The following TUBGCP3 variants were observed in gnomAD, a reference collection of about 807,000 sequenced individuals.
TUBGCP3 encodes tubulin gamma complex component 3.
Under a neutral mutation model 123.1 loss-of-function variants are expected in TUBGCP3, and 50 were observed. The ratio of observed to expected loss-of-function variants is 0.41; its 90% CI spans 0.32 to 0.51. The LOEUF (loss-of-function observed/expected upper bound fraction) is 0.51, where lower values mean the gene tolerates loss of function less well. TUBGCP3 is among the 20% of genes least tolerant of loss of function. The pLI is 0.36. For missense variants in TUBGCP3, 882 were observed against 1,127.0 expected, an observed-to-expected ratio of 0.78 and a Z score of 3.11; for synonymous variants, 405 against 413.9, an observed-to-expected ratio of 0.98 and a Z score of 0.26.
At position 112,569,207 on chromosome 13, in the gene TUBGCP3, G is replaced by A. The variant is rs142026085; in HGVS notation, c.129C>T (p.Phe43=). ...QYAVRVIGSN[F]APTVERDEFL... is the part of the protein sequence containing the mutation. Reference sequence around the variant, plus strand: ...ATTCATCTCTTTCAACAGTTGGGGCGAAGTTGCTGCCAATCACCCGCACAG... The same window carrying A: ...ATTCATCTCTTTCAACAGTTGGGGCAAAGTTGCTGCCAATCACCCGCACAG... The change falls in exon 2 of 22, where the codon TTC becomes TTT. Residue 43 remains phenylalanine (F), a synonymous_variant. Transcript: ENST00000261965. The A allele has an allele frequency of 3.0e-5, 49 of 1,613,940 alleles. No homozygotes were observed. In the South Asian group the frequency reaches 4.3e-4, roughly 14 times the overall value.
intron 20 of TUBGCP3, among the ~76,000 whole-genome samples, chr13:112,493,609 T>G: frequency 2.2e-5 from 2 of 90,430 alleles, no homozygotes; most frequent in South Asian, 4.1e-4. Context: ...GTGCCTGAGA[T>G]GCTCTGGCTA....
chr13:112,565,468 T>G (rs1478256404), intron 2 of TUBGCP3, among the ~76,000 whole-genome samples: 1 of 152,160 alleles, frequency 6.6e-6, no homozygotes, highest in Non-Finnish European at 1.5e-5. Context: ...CTACAAATAT[T>G]AATAAACAGT....
chr13:112,498,861 G>A (rs762399393), intron 20 of TUBGCP3, 184 bp downstream of exon 20: 1 of 1,608,096 alleles, frequency 6.2e-7, no homozygotes, highest in Non-Finnish European at 8.5e-7. Flanking sequence ...GATGATGCCA[G>A]TGAGGGTGGC....
intron 13 of TUBGCP3, among the ~76,000 whole-genome samples, chr13:112,522,988 GACAAA>G (rs1876750755): frequency 6.6e-6 from 1 of 152,126 alleles, no homozygotes; most frequent in African/African-American, 2.4e-5. Flanking sequence ...ATGTCTAGGG[GACAAA>G]ACCAGATTGT....
At position 112,519,701 on chromosome 13, in the gene TUBGCP3, G is replaced by A. The variant is rs1274281280; in HGVS notation, c.1881+185C>T. 1.3e-5 allele frequency among the ~76,000 whole-genome samples: 2 copies of A among 152,252 alleles called. No individual in the cohort carries two copies. The highest frequency in any genetic ancestry group is 2.4e-5 in the African/African-American group (1 of 41,464). On this transcript the variant is annotated intron_variant, in intron 15 of 21. Coordinates refer to ENST00000261965, the MANE Select transcript of TUBGCP3 (RefSeq NM_006322.6). The surrounding 1 kb of genome is among the most constrained non-coding windows in gnomAD (Gnocchi z 6.2). The stretch of plus-strand genomic sequence containing the variant: ...CAAACGGAAACCCAGATGGTGGAGA[G>A]GGAGCAGATGTGCTGACCAGGCAGT...
chr13:112,527,691 T>A (rs1462148831), intron 11 of TUBGCP3, among the ~76,000 whole-genome samples: 1 of 152,208 alleles, frequency 6.6e-6, no homozygotes, highest in Non-Finnish European at 1.5e-5. Context: ...AACTAAAGTA[T>A]AACAAAAACA....
At chr13:112,492,965 A>G (rs113337362) in intron 20 of TUBGCP3, among the ~76,000 whole-genome samples, 1,203 of 96,928 alleles carry the variant, frequency 0.012, 15 homozygotes, top group African/African-American at 0.044. Flanking sequence ...TGCCTGAGAC[A>G]CTCTAGCTTT....
intron 13 of TUBGCP3, among the ~76,000 whole-genome samples, chr13:112,526,711 T>C (rs1052402513): frequency 1.4e-5 from 2 of 147,894 alleles, no homozygotes; most frequent in Non-Finnish European, 3.0e-5. Context: ...ACCCCCATCA[T>C]CATCACCATC....
At chr13:112,523,705 C>A (rs560941698) in intron 13 of TUBGCP3, among the ~76,000 whole-genome samples, 3 of 152,308 alleles carry the variant, frequency 2.0e-5, no homozygotes, top group Admixed American at 2.0e-4. Flanking sequence ...TCAGTCTTAG[C>A]CCAAAGCAGC....
At chr13:112,573,400 G>T (rs1447216989) in intron 1 of TUBGCP3, among the ~76,000 whole-genome samples, 1 of 152,182 alleles carries the variant, frequency 6.6e-6, no homozygotes, top group Middle Eastern at 3.4e-3. Flanking sequence ...GATCAGCCCA[G>T]GCAGAAGTGG....
intron 1 of TUBGCP3, 33 bp downstream of exon 1, chr13:112,587,872 G>C (rs1882738513): frequency 6.4e-7 from 1 of 1,574,276 alleles, no homozygotes; most frequent in Admixed American, 1.8e-5. Flanking sequence ...CCCGGGACGG[G>C]TCTGCGGGCT....
intron 8 of TUBGCP3, among the ~76,000 whole-genome samples, chr13:112,550,128 A>C (rs1879438348): frequency 1.3e-5 from 2 of 152,130 alleles, no homozygotes; most frequent in South Asian, 4.1e-4. Flanking sequence ...TGTGGGATGT[A>C]ACTCCAGGAT....
At chr13:112,531,852 G>C (rs139293948) in intron 11 of TUBGCP3, among the ~76,000 whole-genome samples, 2 of 151,956 alleles carry the variant, frequency 1.3e-5, no homozygotes, top group Admixed American at 1.3e-4. Flanking sequence ...ATTGCGATAC[G>C]CTTTTATTTT....
intron 11 of TUBGCP3, among the ~76,000 whole-genome samples, chr13:112,540,914 T>C (rs747254453): frequency 6.6e-6 from 1 of 152,260 alleles, no homozygotes; most frequent in Non-Finnish European, 1.5e-5. Flanking sequence ...TAGACATGCA[T>C]TATTTTATTT....
At chr13:112,559,818 G>C (rs1880349229) in intron 3 of TUBGCP3, among the ~76,000 whole-genome samples, 1 of 152,168 alleles carries the variant, frequency 6.6e-6, no homozygotes, top group Admixed American at 6.5e-5. Flanking sequence ...GTTAGTCTCA[G>C]CATCATGTGT....
chr13:112,516,138 C>T (rs1876104579), intron 17 of TUBGCP3, among the ~76,000 whole-genome samples: 1 of 151,654 alleles, frequency 6.6e-6, no homozygotes, highest in East Asian at 1.9e-4. Context: ...GGTTTATGGA[C>T]AAAACAAAAC....
At chr13:112,589,323 G>C (rs993618511), upstream of TUBGCP3, among the ~76,000 whole-genome samples, 1 of 152,196 alleles carries the variant, frequency 6.6e-6, no homozygotes, top group Admixed American at 6.5e-5. Flanking sequence ...TACCTGACCA[G>C]CTCTCTCCTA....
intron 13 of TUBGCP3, among the ~76,000 whole-genome samples, chr13:112,525,903 G>C (rs1207241037): frequency 6.6e-6 from 1 of 152,014 alleles, no homozygotes; most frequent in East Asian, 1.9e-4. Flanking sequence ...TGTATAAAAA[G>C]GAAATTAAAA....
chr13:112,556,089 G>A lies in TUBGCP3; in HGVS notation c.684C>T (p.Arg228=). Residue 228 remains arginine (R), a synonymous_variant, in exon 6 of 22, where the codon CGC becomes CGT. Coordinates refer to ENST00000261965, the MANE Select transcript of TUBGCP3 (RefSeq NM_006322.6). ...CTTCTCTCCTGGACCTTGTCATGTT[G>A]CGAGACACAGCACTGGGGACACCTT... ...TSKGVPSAVS[R]NMTRSRREGD... 6.2e-7 allele frequency: 1 copy of A among 1,614,026 alleles called. No homozygotes were observed. Among genetic ancestry groups the A allele is most frequent in the African/African-American group, 1.3e-5 (1 of 75,014 alleles).
Sources: gnomAD v4.1 joint callset for allele counts (sites outside exome capture counted in the v4.1 genomes callset) on GRCh38, gnomAD v4.1.1 for gene constraint, Gnocchi (gnomAD v3.1) non-coding constraint, MANE v1.5 for transcripts, NCBI Gene and HGNC (gene_info 2026-07-23, HGNC 2026-07-21) for gene names.